RBFOX1: variants seen among roughly 807,000 people sequenced by gnomAD.
The protein encoded by RBFOX1 is RNA binding fox-1 homolog 1.
RBFOX1 carries 8 observed loss-of-function variants against 57.7 expected under a neutral mutation model. The observed-to-expected ratio is 0.14, with a 90% CI of 0.08 to 0.25. The LOEUF (loss-of-function observed/expected upper bound fraction) is 0.25, where lower values mean the gene tolerates loss of function less well. Ranked by LOEUF, RBFOX1 falls within the 10% of genes least tolerant of loss-of-function variation. RBFOX1 has a pLI of 1.00. For synonymous variants in RBFOX1, 326 were observed against 222.4 expected (o/e 1.47, Z -4.15); for missense variants, 611 against 548.5 (o/e 1.11, Z -1.14).
At chr16:6,853,819 C>A (rs974671196) in intron 3 of RBFOX1, among the ~76,000 whole-genome samples, 6 of 152,114 alleles carry the variant, frequency 3.9e-5, no homozygotes, top group African/African-American at 1.4e-4. Context: ...TCCTCCCCAA[C>A]GGATGACTGA....
intron 4 of RBFOX1, among the ~76,000 whole-genome samples, chr16:5,886,485 C>T (rs1054808436): frequency 6.6e-6 from 1 of 152,222 alleles, no homozygotes; most frequent in Non-Finnish European, 1.5e-5. Context: ...CTCCATGGAT[C>T]ATTCAGGTTC....
chr16:5,994,767 T>C (rs1319864974), intron 4 of RBFOX1, among the ~76,000 whole-genome samples: 1 of 152,178 alleles, frequency 6.6e-6, no homozygotes, highest in East Asian at 1.9e-4. Flanking sequence ...TGAGCCCTAC[T>C]CCACACCACA....
chr16:6,887,817 C>T (rs1453832983), intron 3 of RBFOX1, among the ~76,000 whole-genome samples: 1 of 152,074 alleles, frequency 6.6e-6, no homozygotes, highest in African/African-American at 2.4e-5. Flanking sequence ...CACTCGTCAC[C>T]ACACCTGGCT....
At chr16:7,258,256 C>T (rs1286909867) in intron 4 of RBFOX1, among the ~76,000 whole-genome samples, 1 of 152,124 alleles carries the variant, frequency 6.6e-6, no homozygotes, top group African/African-American at 2.4e-5. Flanking sequence ...GTTCAGTGTC[C>T]TTCTTATTAA....
chr16:7,010,914 A>G (rs1266434651), intron 3 of RBFOX1, among the ~76,000 whole-genome samples: 1 of 152,204 alleles, frequency 6.6e-6, no homozygotes, highest in Non-Finnish European at 1.5e-5. Flanking sequence ...GTGTGCTGAT[A>G]AAGTTCTCCC....
intron 1 of RBFOX1, among the ~76,000 whole-genome samples, chr16:6,025,405 G>C (rs2095170884): frequency 6.6e-6 from 1 of 152,206 alleles, no homozygotes; most frequent in Admixed American, 6.5e-5. Context: ...TGTTCTTTGT[G>C]TGAGGGTGGA....
intron 4 of RBFOX1, among the ~76,000 whole-genome samples, chr16:7,163,198 T>A (rs1292387364): frequency 1.3e-5 from 2 of 152,194 alleles, no homozygotes; most frequent in Non-Finnish European, 2.9e-5. Context: ...GGTTTTGACT[T>A]GCCTGAGTTA....
chr16:6,727,774 A>G (rs373641458), intron 3 of RBFOX1, among the ~76,000 whole-genome samples: 1 of 152,064 alleles, frequency 6.6e-6, no homozygotes, highest in Non-Finnish European at 1.5e-5. Context: ...TCCGTCCAGT[A>G]TTTGTTTTGT....
At chr16:7,480,334 C>T (rs1209423349) in intron 4 of RBFOX1, among the ~76,000 whole-genome samples, 1 of 152,164 alleles carries the variant, frequency 6.6e-6, no homozygotes, top group African/African-American at 2.4e-5. Context: ...TCTCTTTCAA[C>T]CTGAGCTGGT....
At chr16:6,928,032 G>C (rs1353440935) in intron 3 of RBFOX1, among the ~76,000 whole-genome samples, 2 of 152,094 alleles carry the variant, frequency 1.3e-5, no homozygotes, top group East Asian at 1.9e-4. Context: ...CACCCCTCTA[G>C]ATTTATAATT....
chr16:5,280,142 G>T lies in RBFOX1; in HGVS notation c.219+40037G>T, dbSNP rs560426040. 7.6e-4 allele frequency among the ~76,000 whole-genome samples: 116 copies of T among 152,304 alleles called. 1 individual carries two copies. The highest frequency in any genetic ancestry group is 2.5e-3 in the African/African-American group (105 of 41,576). ...CTAATTTGTTGAGAGTTTTCATTAT[G>T]AAGGAATGGTAAGTTTTACTGAGTG... is the stretch of plus-strand genomic sequence containing the variant. On this transcript the variant is annotated intron_variant, in intron 1 of 2. Transcript: ENST00000585867.
intron 3 of RBFOX1, among the ~76,000 whole-genome samples, chr16:5,619,787 C>G (rs987700816): frequency 6.6e-6 from 1 of 152,146 alleles, no homozygotes; most frequent in African/African-American, 2.4e-5. Context: ...TCACCTCTCT[C>G]TTCCATGTCC....
intron 1 of RBFOX1, among the ~76,000 whole-genome samples, chr16:5,368,410 C>G (rs566917538): frequency 6.6e-6 from 1 of 152,134 alleles, no homozygotes; most frequent in Non-Finnish European, 1.5e-5. Context: ...GTTTTCATCT[C>G]CCACCCTCCC....
chr16:7,320,897 A>G lies in RBFOX1; in HGVS notation c.28-197250A>G, dbSNP rs1213747113. ...TAATTGAGGTTCAGAAAGTTTAAGT[A>G]ACTTGCCCAGGGAAAAACAGCCAGG... On this transcript the variant is annotated intron_variant, in intron 4 of 15. Transcript: ENST00000550418. 2.6e-5 allele frequency among the ~76,000 whole-genome samples: 4 copies of G among 152,212 alleles called. No individual in the cohort carries two copies. The East Asian group carries it at 5.8e-4, about 22-fold the overall frequency.
rs375754936 is a variant in RBFOX1, at chr16:7,537,396, C to G, written c.270+19007C>G. Among the ~76,000 whole-genome samples the G allele has an allele frequency of 1.2e-4, 19 of 152,306 alleles. No homozygotes were observed. The East Asian group carries it at 2.9e-3, about 23-fold the overall frequency. On this transcript the variant is annotated intron_variant, in intron 5 of 15. Transcript: ENST00000550418. ...AGTGACCATTGAGGATGTGATGATG[C>G]TCTCTTTACAGTGAGGAAACTGAGG...
intron 4 of RBFOX1, among the ~76,000 whole-genome samples, chr16:5,986,997 A>G (rs1354700258): frequency 1.3e-5 from 2 of 152,234 alleles, no homozygotes; most frequent in African/African-American, 4.8e-5. Context: ...GTGGCATTGT[A>G]TGAACAATCC....
chr16:7,051,295 A>G (rs751008083), intron 3 of RBFOX1, among the ~76,000 whole-genome samples: 1 of 152,220 alleles, frequency 6.6e-6, no homozygotes, highest in Non-Finnish European at 1.5e-5. Context: ...TAGCATAATC[A>G]TGTAATACGA....
At chr16:7,451,039 G>C (rs1386368162) in intron 4 of RBFOX1, among the ~76,000 whole-genome samples, 1 of 152,184 alleles carries the variant, frequency 6.6e-6, no homozygotes, top group Admixed American at 6.5e-5. Context: ...GGTAAACTCA[G>C]AGGCAGCTGG....
At position 6,450,767 on chromosome 16, in the gene RBFOX1, G is replaced by T. The variant is rs200979674; in HGVS notation, c.-64+133710G>T. 3.2e-4 allele frequency among the ~76,000 whole-genome samples: 11 copies of T among 34,134 alleles called. 1 individual carries two copies. Among genetic ancestry groups the T allele is most frequent in the African/African-American group, 1.4e-3 (11 of 7,608 alleles). The allele number at this position is 34,134 out of a possible 152,430, so 22.4% of individuals were successfully genotyped here. ...TATATATATATACATATATATATGT[G>T]TATATATATATATATATATATACAT... On this transcript the variant is annotated intron_variant, in intron 2 of 15. Transcript: ENST00000550418.
Sources: gnomAD v4.1 joint callset for allele counts (sites outside exome capture counted in the v4.1 genomes callset) on GRCh38, gnomAD v4.1.1 for gene constraint, MANE v1.5 for transcripts, NCBI Gene and HGNC (gene_info 2026-07-23, HGNC 2026-07-21) for gene names.